KLKB1: variants seen among roughly 807,000 people sequenced by gnomAD.
The protein encoded by KLKB1 is plasma kallikrein.
In KLKB1, 58 loss-of-function variants were observed where a neutral mutation model predicts 73.6. That is an observed-to-expected ratio of 0.79 (90% CI 0.64 to 0.98). KLKB1 has a LOEUF of 0.98. Ranked by LOEUF, KLKB1 falls within the 50% of genes least tolerant of loss-of-function variation. The pLI, the probability that KLKB1 is intolerant of heterozygous loss-of-function variation, is 0.00. For missense variants in KLKB1, 737 were observed against 763.8 expected, an observed-to-expected ratio of 0.96 and a Z score of 0.41; for synonymous variants, 280 against 258.1, an observed-to-expected ratio of 1.08 and a Z score of -0.81.
In KLKB1 at chr4:186,214,253, G is replaced by C. The variant is rs566224722; in HGVS notation, c.201+4981G>C. ...GAGGAACCTGAGTCCCACATGGCAG[G>C]TGATGCTGAGGCTCACTGCATGTCT... On this transcript the variant is annotated intron_variant, in intron 2 of 14. Transcript: ENST00000511608. 2.2e-3 allele frequency among the ~76,000 whole-genome samples: 336 copies of C among 152,336 alleles called. 2 individuals are homozygous for C. Among genetic ancestry groups the C allele is most frequent in the African/African-American group, 7.7e-3 (320 of 41,582 alleles).
At position 186,212,237 on chromosome 4, in the gene KLKB1, T is replaced by C. The variant is rs1458929555; in HGVS notation, c.201+2965T>C. 3 of 152,200 alleles carry C rather than the reference T, an allele frequency of 2.0e-5. No homozygotes were observed. In the East Asian group the frequency reaches 5.8e-4, roughly 29 times the overall value. The allele number at this position is 152,200 out of a possible 1,614,324, so 9.4% of individuals were successfully genotyped here. A position where few individuals can be genotyped will look rare whatever the true frequency, so the allele number is the denominator to read the frequency against. Reference sequence around the variant, plus strand: ...CTCAGGGTGATGATCAGACGTGTCATTAGAACATGAGTCCTCTGCTTCTGA... The same window carrying C: ...CTCAGGGTGATGATCAGACGTGTCACTAGAACATGAGTCCTCTGCTTCTGA... On this transcript the variant is annotated intron_variant, in intron 2 of 14. Transcript: ENST00000511608.
upstream of KLKB1, among the ~76,000 whole-genome samples, chr4:186,222,746 T>C (rs148998194): frequency 6.0e-3 from 912 of 151,970 alleles, 7 homozygotes; most frequent in African/African-American, 0.021. Context: ...TTTAATAGAG[T>C]TTTATTCTTT....
At chr4:186,245,805 T>TTTTTG (rs1738301787) in intron 6 of KLKB1, among the ~76,000 whole-genome samples, 3 of 89,196 alleles carry the variant, frequency 3.4e-5, no homozygotes, top group Non-Finnish European at 4.7e-5. Context: ...TTTTGGAGTT[T>TTTTTG]TTTTTTGTTT....
intron 4 of KLKB1, among the ~76,000 whole-genome samples, chr4:186,236,065 G>A (rs1737664384): frequency 6.8e-6 from 1 of 147,366 alleles, no homozygotes; most frequent in Admixed American, 6.8e-5. Flanking sequence ...AGTGAGTCGA[G>A]ATCGCGCCAC....
rs756755741 is a variant in KLKB1, at chr4:186,252,152, A to G, written c.1280A>G (p.Gln427Arg). 6.2e-7 allele frequency: 1 copy of G among 1,613,902 alleles called. No homozygotes were observed. Among genetic ancestry groups the G allele is most frequent in the South Asian group, 1.1e-5 (1 of 91,086 alleles). The change falls in exon 11 of 15, where the codon CAG (glutamine) becomes CGG (arginine). Residue 427 changes from glutamine (Q) to arginine (R), a missense_variant. By Grantham distance (43) the Gln-to-Arg change is conservative. Coordinates refer to ENST00000264690, the MANE Select transcript of KLKB1 (RefSeq NM_000892.5). ...TGTGGAGGGTCACTCATAGGACACC[A>G]GTGGGTCCTCACTGCTGCCCACTGC... ...HLCGGSLIGHQWVLTAAHCFD... is the reference protein window; with the variant it reads ...HLCGGSLIGHRWVLTAAHCFD...
chr4:186,248,776 A>G (rs995900093), intron 6 of KLKB1, among the ~76,000 whole-genome samples: 2 of 152,056 alleles, frequency 1.3e-5, no homozygotes, highest in African/African-American at 4.8e-5. Context: ...CAGCTACACA[A>G]TGTTACATTC....
At chr4:186,233,256 C>T (rs1295455157) in intron 3 of KLKB1, among the ~76,000 whole-genome samples, 1 of 152,178 alleles carries the variant, frequency 6.6e-6, no homozygotes, top group African/African-American at 2.4e-5. Flanking sequence ...TTATTAATCA[C>T]GAGCCACAGT....
chr4:186,229,104 G>GT (rs1737277095), intron 2 of KLKB1: 1 of 151,880 alleles, frequency 6.6e-6, no homozygotes, highest in South Asian at 2.1e-4. Context: ...CTTCTAAACC[G>GT]TAATTTACAA....
chr4:186,213,649 TCC>T (rs1561441381), intron 2 of KLKB1, among the ~76,000 whole-genome samples: 1 of 152,186 alleles, frequency 6.6e-6, no homozygotes, highest in Admixed American at 6.5e-5. Context: ...GCATCACTGG[TCC>T]CAGGGATTTA....
Position 186,257,302 on chromosome 4 carries a change from T to G in KLKB1, c.1662T>G (p.Asp554Glu), listed in dbSNP as rs951090771. The change falls in exon 14 of 15, where the codon GAT (aspartate) becomes GAG (glutamate). Residue 554 changes from aspartate to glutamate, a missense_variant. By Grantham distance (45) the Asp-to-Glu change is conservative. Coordinates refer to ENST00000264690, the MANE Select transcript of KLKB1 (RefSeq NM_000892.5). ...TNEECQKRYQ[D>E]YKITQRMVCA... ...AAGAATGCCAGAAAAGATATCAAGA[T>G]TATAAAATAACCCAACGGATGGTCT... is the stretch of plus-strand genomic sequence containing the variant. The G allele has an allele frequency of 1.9e-6, 3 of 1,604,432 alleles. No individual in the cohort carries two copies. The highest frequency in any genetic ancestry group is 2.2e-5 in the South Asian group (2 of 89,734).
At chr4:186,252,839 A>G (rs1392985172) in intron 11 of KLKB1, among the ~76,000 whole-genome samples, 1 of 152,246 alleles carries the variant, frequency 6.6e-6, no homozygotes, top group Non-Finnish European at 1.5e-5. Flanking sequence ...ATTCATAAAT[A>G]TACTAAGTCA....
rs575242028 is a variant in KLKB1 at position 186,241,508 on chromosome 4, TGTG to T, written c.598+3146_598+3148del. On this transcript the variant is annotated intron_variant, in intron 6 of 14. Coordinates refer to ENST00000264690, the MANE Select transcript of KLKB1 (RefSeq NM_000892.5). ...ATTATATTTACAGATTTCCTTCTCT[TGTG>T]GTCCATCTTCCTGCATAGATCTTGA... is the stretch of plus-strand genomic sequence containing the variant. 1.7e-4 allele frequency among the ~76,000 whole-genome samples: 26 copies of T among 152,300 alleles called. No individual in the cohort carries two copies. In the South Asian group the frequency reaches 3.9e-3, roughly 23 times the overall value.
chr4:186,250,330 C>T lies in KLKB1; in HGVS notation c.686C>T (p.Thr229Ile). The change falls in exon 7 of 15, where the codon ACC (threonine) becomes ATC (isoleucine). Residue 229 changes from threonine to isoleucine, a missense_variant. Transcript: ENST00000264690. ...VLTPDAFVCR[T>I]ICTYHPNCLF... is the part of the protein sequence containing the mutation. ...ACTCCAGATGCTTTTGTGTGTCGGA[C>T]CATCTGCACCTATCACCCCAACTGC... The T allele has an allele frequency of 6.2e-7, 1 of 1,613,988 alleles. No individual in the cohort carries two copies. Among genetic ancestry groups the T allele is most frequent in the Non-Finnish European group, 8.5e-7 (1 of 1,179,882 alleles).
chr4:186,250,459 T>G (rs1378312298), intron 7 of KLKB1, 57 bp downstream of exon 7: 13 of 1,566,038 alleles, frequency 8.3e-6, no homozygotes, highest in Non-Finnish European at 1.1e-5. Context: ...GAGCACTTGC[T>G]GCTGTACTTT....
At chr4:186,243,002 T>A (rs930546297) in intron 6 of KLKB1, among the ~76,000 whole-genome samples, 2 of 151,130 alleles carry the variant, frequency 1.3e-5, no homozygotes, top group Non-Finnish European at 3.0e-5. Flanking sequence ...ATGACCACGG[T>A]GGCCTTCTCA....
intron 6 of KLKB1, 46 bp downstream of exon 6, chr4:186,238,411 G>T: frequency 7.6e-7 from 1 of 1,322,344 alleles, no homozygotes. Context: ...AGGTGGAATA[G>T]GAGCCCCCAG....
At chr4:186,237,552 C>T (rs1298121731) in intron 5 of KLKB1, among the ~76,000 whole-genome samples, 2 of 152,224 alleles carry the variant, frequency 1.3e-5, no homozygotes, top group African/African-American at 2.4e-5. Context: ...ACCGTCCCCT[C>T]CAAAAGCCCA....
At chr4:186,254,853 C>T (rs1463976536) in intron 12 of KLKB1, 90 bp downstream of exon 12, 13 of 1,205,906 alleles carry the variant, frequency 1.1e-5, no homozygotes, top group Non-Finnish European at 1.3e-5. Context: ...CCTAGAGAGA[C>T]TGTCGTCGTT....
intron 6 of KLKB1, among the ~76,000 whole-genome samples, chr4:186,246,780 C>T (rs1025092113): frequency 6.6e-6 from 1 of 152,116 alleles, no homozygotes; most frequent in Non-Finnish European, 1.5e-5. Flanking sequence ...GGTGAAGGAT[C>T]AAGGCAGGCA....
Sources: allele counts gnomAD v4.1 joint callset (sites outside exome capture counted in the v4.1 genomes callset), GRCh38; gene constraint gnomAD v4.1.1; transcripts MANE v1.5; gene names NCBI Gene and HGNC (gene_info 2026-07-23, HGNC 2026-07-21).